TRIM2: variants seen among roughly 807,000 people sequenced by gnomAD.
TRIM2 encodes the protein tripartite motif containing 2.
TRIM2 carries 20 observed loss-of-function variants against 75.2 expected under a neutral mutation model. The observed-to-expected ratio is 0.27, with a 90% confidence interval of 0.19 to 0.39. The LOEUF is 0.39. Ranked by LOEUF, TRIM2 falls within the 10% of genes least tolerant of loss-of-function variation. The probability of loss-of-function intolerance (pLI) is 1.00; values close to 1 mark genes in which losing one functional copy is unlikely to be tolerated. For missense variants in TRIM2, 660 were observed against 990.8 expected (o/e 0.67, Z 4.48); for synonymous variants, 373 against 388.3 (o/e 0.96, Z 0.46).
chr4:153,162,797 G>A (rs1343318515), intron 1 of TRIM2, among the ~76,000 whole-genome samples: 1 of 152,188 alleles, frequency 6.6e-6, no homozygotes, highest in African/African-American at 2.4e-5. Context: ...CTTCTTTCCA[G>A]TGAGGCAGCA....
At chr4:153,300,595 G>A (rs890321229) in intron 6 of TRIM2, among the ~76,000 whole-genome samples, 8 of 151,900 alleles carry the variant, frequency 5.3e-5, no homozygotes, top group Admixed American at 5.2e-4. Flanking sequence ...AGGCTGGTGT[G>A]CAGTGGCGTG....
At chr4:153,263,099 A>C (rs1753984686) in intron 1 of TRIM2, among the ~76,000 whole-genome samples, 1 of 152,164 alleles carries the variant, frequency 6.6e-6, no homozygotes. Context: ...GGGAGGCTGA[A>C]GCGAGAGGAT....
intron 6 of TRIM2, chr4:153,309,511 C>A (rs1765777539): frequency 6.6e-6 from 1 of 152,090 alleles, no homozygotes. Context: ...ACTTTTTCAT[C>A]CAGCAAACAT....
intron 1 of TRIM2, among the ~76,000 whole-genome samples, chr4:153,166,116 T>A (rs972841022): frequency 2.6e-5 from 4 of 151,982 alleles, no homozygotes; most frequent in Admixed American, 6.6e-5. Context: ...TGTTCTTTTT[T>A]AAAAAAAAAT....
At chr4:153,225,354 A>G (rs10015431) in intron 1 of TRIM2, among the ~76,000 whole-genome samples, 3,461 of 152,280 alleles carry the variant, frequency 0.023, 141 homozygotes, top group African/African-American at 0.079. Flanking sequence ...AGACAGGAAC[A>G]ATGATGGTTT....
At chr4:153,261,555 C>A (rs1381941855) in intron 1 of TRIM2, among the ~76,000 whole-genome samples, 2 of 152,124 alleles carry the variant, frequency 1.3e-5, no homozygotes, top group Non-Finnish European at 2.9e-5. Flanking sequence ...GATGTATAAT[C>A]AAATATGTGA....
At chr4:153,218,567 C>G (rs577065525) in intron 1 of TRIM2, among the ~76,000 whole-genome samples, 17 of 152,298 alleles carry the variant, frequency 1.1e-4, no homozygotes, top group Non-Finnish European at 1.9e-4. Context: ...TTAATTGCCT[C>G]TTATCAAAAA....
chr4:153,261,399 G>C (rs1262130453), intron 1 of TRIM2, among the ~76,000 whole-genome samples: 1 of 152,094 alleles, frequency 6.6e-6, no homozygotes, highest in African/African-American at 2.4e-5. Flanking sequence ...CTCCAGCCTG[G>C]GAGACAGAGG....
chr4:153,270,301 A>T, intron 1 of TRIM2, 34 bp from the exon 2 acceptor site: 1 of 1,593,236 alleles, frequency 6.3e-7, no homozygotes. Flanking sequence ...ACAGATCATT[A>T]TATGTTTTTC....
intron 1 of TRIM2, among the ~76,000 whole-genome samples, chr4:153,161,575 A>G (rs1308278388): frequency 1.3e-5 from 2 of 152,218 alleles, no homozygotes; most frequent in African/African-American, 4.8e-5. Flanking sequence ...TGCACAGCAG[A>G]ATCCTTGGGA....
intron 1 of TRIM2, among the ~76,000 whole-genome samples, chr4:153,251,435 AAAT>A (rs778387776): frequency 2.0e-5 from 3 of 152,274 alleles, no homozygotes; most frequent in Non-Finnish European, 4.4e-5. Flanking sequence ...TGAAGGCTGG[AAAT>A]AATTACTTCT....
rs1409991768 is a variant in TRIM2 at position 153,204,520 on chromosome 4, T to C, written c.-11T>C. 3 of 1,551,722 alleles carry C rather than the reference T, an allele frequency of 1.9e-6. No individual in the cohort carries two copies. The highest frequency in any genetic ancestry group is 2.0e-5 in the Admixed American group (1 of 51,000). On this transcript the variant is annotated 5_prime_UTR_variant, in exon 1 of 12. Transcript: ENST00000338700. ...AGTCCCCAGATTGGAGGAGGCTGGC[T>C]CTGGTCTTCGATGCACAGGAGTGGC... is the stretch of plus-strand genomic sequence containing the variant.
At chr4:153,292,395 T>C (rs182839203) in intron 3 of TRIM2, among the ~76,000 whole-genome samples, 1 of 152,364 alleles carries the variant, frequency 6.6e-6, no homozygotes, top group Admixed American at 6.5e-5. Flanking sequence ...TTACTGCTTT[T>C]AATAAATTAA....
At chr4:153,187,830 C>T (rs1279208367) in intron 1 of TRIM2, among the ~76,000 whole-genome samples, 1 of 152,208 alleles carries the variant, frequency 6.6e-6, no homozygotes, top group African/African-American at 2.4e-5. Flanking sequence ...GCAGAGCCAT[C>T]TCCAAGGCCC....
intron 1 of TRIM2, among the ~76,000 whole-genome samples, chr4:153,161,972 C>T (rs539141973): frequency 2.0e-4 from 30 of 152,286 alleles, no homozygotes; most frequent in South Asian, 4.2e-4. Flanking sequence ...CATAAACCTC[C>T]GAAATGAAAT....
chr4:153,203,103 CAAA>C (rs200371158), upstream of TRIM2, among the ~76,000 whole-genome samples: 6 of 87,346 alleles, frequency 6.9e-5, no homozygotes, highest in East Asian at 4.2e-4. Flanking sequence ...GACTCCATCT[CAAA>C]AAAAAAAAAA....
Position 153,241,274 on chromosome 4 carries a change from A to G in TRIM2, c.31-29061A>G, listed in dbSNP as rs559300965. On this transcript the variant is annotated intron_variant, in intron 1 of 11. Coordinates refer to ENST00000338700, the MANE Select transcript of TRIM2 (RefSeq NM_015271.5). ...TCTAGGAGGCTGTGTTCTCCAGAGC[A>G]GCGTTGATCACACAGCTCTGGCTAA... Among the ~76,000 whole-genome samples the G allele has an allele frequency of 2.6e-5, 4 of 152,276 alleles. No homozygotes were observed. In the East Asian group the frequency reaches 7.7e-4, roughly 29 times the overall value.
chr4:153,244,377 TC>T (rs1267604723), intron 1 of TRIM2, among the ~76,000 whole-genome samples: 2 of 63,460 alleles, frequency 3.2e-5, no homozygotes, highest in Admixed American at 1.9e-4. Flanking sequence ...TTCTTCTTCT[TC>T]TTCTTCTTCT....
Position 153,337,009 on chromosome 4 carries a change from T to G in TRIM2, c.*2043T>G, listed in dbSNP as rs756945401. ...TACCTACTAGGTACCAAGTACTCTT[T>G]TAGGCACTGGAAATACAGTGATGGA... On this transcript the variant is annotated 3_prime_UTR_variant, in exon 12 of 12. Coordinates refer to ENST00000338700, the MANE Select transcript of TRIM2 (RefSeq NM_015271.5). The G allele has an allele frequency of 2.9e-5, 28 of 981,078 alleles. No individual in the cohort carries two copies. Among genetic ancestry groups the G allele is most frequent in the Admixed American group, 1.2e-4 (2 of 16,256 alleles). The allele number at this position is 981,078 out of a possible 1,614,324, so 60.8% of individuals were successfully genotyped here. A position where few individuals can be genotyped will look rare whatever the true frequency, so the allele number is the denominator to read the frequency against.
Sources: allele counts gnomAD v4.1 joint callset (sites outside exome capture counted in the v4.1 genomes callset), GRCh38; gene constraint gnomAD v4.1.1; transcripts MANE v1.5; gene names NCBI Gene and HGNC (gene_info 2026-07-23, HGNC 2026-07-21).